CCDC187: variants seen among roughly 807,000 people sequenced by gnomAD.
CCDC187 encodes coiled-coil domain containing 187.
Under a neutral mutation model 38.0 loss-of-function variants are expected in CCDC187, and 32 were observed. The ratio of observed to expected loss-of-function variants is 0.84; its 90% CI spans 0.64 to 1.13. The LOEUF (loss-of-function observed/expected upper bound fraction) is 1.13, where lower values mean the gene tolerates loss of function less well. Among genes scored for constraint, CCDC187 ranks in the 50% most tolerant of loss-of-function variants. The pLI is 0.00. For synonymous variants in CCDC187, 333 were observed against 347.9 expected (o/e 0.96, Z 0.48); for missense variants, 707 against 786.8 (o/e 0.90, Z 1.21).
chr9:136,265,924 A>T, intron 17 of CCDC187, 32 bp downstream of exon 17: 1 of 972,250 alleles, frequency 1.0e-6, no homozygotes. Flanking sequence ...TGAGCCGCCC[A>T]CCCTGACCCA....
In CCDC187 at chr9:136,290,728, G is replaced by A; in HGVS notation, c.1885C>T (p.Leu629Phe). The A allele has an allele frequency of 2.5e-6, 1 of 398,482 alleles. No individual in the cohort carries two copies. The highest frequency in any genetic ancestry group is 1.3e-4 in the South Asian group (1 of 7,860). The allele number at this position is 398,482 out of a possible 1,614,324, so 24.7% of individuals were successfully genotyped here. A position where few individuals can be genotyped will look rare whatever the true frequency, so the allele number is the denominator to read the frequency against. Residue 629 changes from leucine (L) to phenylalanine (F), a missense_variant, in exon 6 of 26, where the codon CTC becomes TTC. Transcript: ENST00000638797. Reference protein sequence around the residue: ...TLRPCPRSRGLLGPSHSSESL... With the variant: ...TLRPCPRSRGFLGPSHSSESL... Reference sequence around the variant, plus strand: ...TCAGAGCTGTGCGAGGGTCCCAGGAGCCCCCGGGACCTGGGGCAGGGCCGC... The same window carrying A: ...TCAGAGCTGTGCGAGGGTCCCAGGAACCCCCGGGACCTGGGGCAGGGCCGC...
chr9:136,290,343 C>T (rs1831289487), intron 6 of CCDC187, 143 bp downstream of exon 6: 5 of 397,754 alleles, frequency 1.3e-5, no homozygotes, highest in East Asian at 7.1e-5. Context: ...GTGGCAGCGA[C>T]GCCACGAAGT....
chr9:136,255,551 G>A, intron 25 of CCDC187, 106 bp downstream of exon 25: 1 of 394,372 alleles, frequency 2.5e-6, no homozygotes, highest in African/African-American at 2.2e-5. Context: ...GGGGAAGGCA[G>A]GGGCTGCGTA....
Position 136,254,568 on chromosome 9 carries a change from G to A in CCDC187, c.5260C>T (p.Leu1754=), listed in dbSNP as rs954469239. ...DIPSPRSGSE[L]SEASSKVWEE... ...CAAACTTTGCTGGAGGCCTCTGACA[G>A]CTCTGACCCTGACCTTGGAGAGGGG... Residue 1754 remains leucine, a synonymous_variant, in exon 26 of 26, where the codon CTG becomes TTG. Coordinates refer to ENST00000638797, the MANE Select transcript of CCDC187 (RefSeq NM_001378188.1). The A allele has an allele frequency of 5.0e-5, 49 of 985,428 alleles. No homozygotes were observed. Among genetic ancestry groups the A allele is most frequent in the Non-Finnish European group, 5.4e-5 (45 of 830,018 alleles). The allele number at this position is 985,428 out of a possible 1,614,324, so 61.0% of individuals were successfully genotyped here. A position where few individuals can be genotyped will look rare whatever the true frequency, so the allele number is the denominator to read the frequency against.
rs1830765647 is a variant in CCDC187 at position 136,267,397 on chromosome 9, C to T, written c.3634G>A (p.Glu1212Lys). The change falls in exon 16 of 26, where the codon GAG becomes AAG. Residue 1212 changes from glutamate to lysine, a missense_variant. By Grantham distance (56) the Glu-to-Lys change is moderately conservative (BLOSUM62 1). Transcript: ENST00000638797. ...GCATGCGCTCACCCTCGTCGATGCT[C>T]CAGCCAGGCCAGCTCCGCGAGCGTT... ...EKTLAELAWL[E>K]HRRGCLDSKR... 1 of 985,424 alleles carries T rather than the reference C, an allele frequency of 1.0e-6. No homozygotes were observed. The highest frequency in any genetic ancestry group is 4.7e-5 in the South Asian group (1 of 21,306). The allele number at this position is 985,424 out of a possible 1,614,324, so 61.0% of individuals were successfully genotyped here.
At chr9:136,297,238 C>T (rs1373877615) in intron 4 of CCDC187, among the ~76,000 whole-genome samples, 5 of 149,754 alleles carry the variant, frequency 3.3e-5, no homozygotes, top group African/African-American at 9.9e-5. Context: ...TCCTGAGCTG[C>T]GGGTGCCATG....
chr9:136,256,992 A>AT (rs1830620546), intron 22 of CCDC187, among the ~76,000 whole-genome samples, 151 bp from the exon 23 acceptor site: 1 of 152,246 alleles, frequency 6.6e-6, no homozygotes, highest in Non-Finnish European at 1.5e-5. Context: ...GGGCGGAAAC[A>AT]TACATGGTAG....
chr9:136,278,465 A>G (rs1830975844), intron 10 of CCDC187, among the ~76,000 whole-genome samples: 2 of 152,164 alleles, frequency 1.3e-5, no homozygotes, highest in Admixed American at 6.5e-5. Flanking sequence ...AGACTGCAGG[A>G]GTCACCCCAG....
rs1831160196 is a variant in CCDC187, at chr9:136,285,609, TGGA to T, written c.2834-6_2834-4del. On this transcript the variant is annotated splice_polypyrimidine_tract_variant and splice_region_variant and intron_variant, in intron 8 of 25. Transcript: ENST00000638797. ...CACGTGTCCCTCCTCTGGAAAACCT[TGGA>T]GAAGAGGGCACCTGGCTTCACTCCC... 1 of 400,132 alleles carries T rather than the reference TGGA, an allele frequency of 2.5e-6. No homozygotes were observed. The highest frequency in any genetic ancestry group is 2.1e-5 in the African/African-American group (1 of 48,636). 24.8% of individuals were successfully genotyped at this position (400,132 alleles called of 1,614,324 possible).
intron 9 of CCDC187, among the ~76,000 whole-genome samples, chr9:136,283,760 C>T (rs941226091): frequency 6.6e-6 from 1 of 152,200 alleles, no homozygotes; most frequent in Admixed American, 6.5e-5. Flanking sequence ...TCTAGCTGGT[C>T]CCCCGGGAGC....
At chr9:136,306,420 G>C (rs953662915), upstream of CCDC187, among the ~76,000 whole-genome samples, 2 of 152,168 alleles carry the variant, frequency 1.3e-5, no homozygotes, top group Non-Finnish European at 2.9e-5. Context: ...CTGGGGGGAC[G>C]GTCCCCTGGG....
chr9:136,306,302 G>A (rs1490228814), upstream of CCDC187, among the ~76,000 whole-genome samples: 3 of 152,160 alleles, frequency 2.0e-5, no homozygotes, highest in South Asian at 2.1e-4. Context: ...TGGCCTCTCC[G>A]CAGCCACACT....
intron 4 of CCDC187, among the ~76,000 whole-genome samples, chr9:136,294,045 C>G (rs1317687677): frequency 6.6e-6 from 1 of 150,962 alleles, no homozygotes; most frequent in Non-Finnish European, 1.5e-5. Context: ...CTCATATACA[C>G]ACGCCCTCAC....
At position 136,292,212 on chromosome 9, in the gene CCDC187, TGC is replaced by T. The variant is rs1831349101; in HGVS notation, c.914_915del (p.Arg305GlnfsTer4). ...CTCGAGGGATCCTTGCTATGGTGCC[TGC>T]GGAGGACGGGAGGGGGCCCAAGCAG... is the stretch of plus-strand genomic sequence containing the variant. ...RSLLGPPPVL[R>X]RHHSKDPSRD... On this transcript the variant is annotated frameshift_variant, in exon 5 of 26. Transcript: ENST00000638797. LOFTEE classifies it high-confidence loss of function. 2 of 398,892 alleles carry T rather than the reference TGC, an allele frequency of 5.0e-6. No homozygotes were observed. Among genetic ancestry groups the T allele is most frequent in the Non-Finnish European group, 8.8e-6 (2 of 226,282 alleles). The allele number at this position is 398,892 out of a possible 1,614,324, so 24.7% of individuals were successfully genotyped here. A position where few individuals can be genotyped will look rare whatever the true frequency, so the allele number is the denominator to read the frequency against.
rs1311666784 is a variant in CCDC187, at chr9:136,251,701, T to G, written c.*1893A>C. 2 of 154,834 alleles carry G rather than the reference T, an allele frequency of 1.3e-5. No homozygotes were observed. The highest frequency in any genetic ancestry group is 2.9e-5 in the Non-Finnish European group (2 of 69,110). The allele number at this position is 154,834 out of a possible 1,614,324, so 9.6% of individuals were successfully genotyped here. On this transcript the variant is annotated 3_prime_UTR_variant, in exon 26 of 26. Transcript: ENST00000638797. ...CGTCCTCGTTCCTGCTCTTGGCGAC[T>G]CTGACTGTTCTTGCCTCTGGGCTGC... is the stretch of plus-strand genomic sequence containing the variant.
At chr9:136,290,235 C>T (rs951707670) in intron 6 of CCDC187, among the ~76,000 whole-genome samples, 182 bp from the exon 7 acceptor site, 14 of 152,206 alleles carry the variant, frequency 9.2e-5, no homozygotes, top group African/African-American at 2.9e-4. Context: ...TCCGGAGCCC[C>T]GTTGCACCCA....
chr9:136,277,481 T>G (rs1830955402), intron 10 of CCDC187, among the ~76,000 whole-genome samples: 1 of 6,964 alleles, frequency 1.4e-4, no homozygotes, highest in Non-Finnish European at 2.8e-4. Flanking sequence ...GGGTGGGTGC[T>G]GAGGGGGTGG....
At chr9:136,275,965 G>A (rs1329670614) in intron 12 of CCDC187, among the ~76,000 whole-genome samples, 2 of 152,142 alleles carry the variant, frequency 1.3e-5, no homozygotes, top group African/African-American at 2.4e-5. Flanking sequence ...TCTGGTTCCC[G>A]CTGGGGCACC....
intron 4 of CCDC187, among the ~76,000 whole-genome samples, chr9:136,293,021 G>A (rs1263295915): frequency 1.3e-5 from 2 of 152,234 alleles, no homozygotes; most frequent in African/African-American, 4.8e-5. Flanking sequence ...CACCAGCCCC[G>A]TGGGCCCAGC....
Sources: gnomAD v4.1 joint callset for allele counts (sites outside exome capture counted in the v4.1 genomes callset) on GRCh38, gnomAD v4.1.1 for gene constraint, MANE v1.5 for transcripts, NCBI Gene and HGNC (gene_info 2026-07-23, HGNC 2026-07-21) for gene names.